The following SOX30 variants were observed in gnomAD, a reference collection of about 807,000 sequenced individuals.
SOX30 encodes transcription factor SOX-30.
Under a neutral mutation model 58.6 loss-of-function variants are expected in SOX30, and 17 were observed. The ratio of observed to expected loss-of-function variants is 0.29; its 90% confidence interval spans 0.20 to 0.44. SOX30 has a LOEUF of 0.44. Ranked by LOEUF, SOX30 falls within the 20% of genes least tolerant of loss-of-function variation. The pLI, the probability that SOX30 is intolerant of heterozygous loss-of-function variation, is 1.00. For synonymous variants in SOX30, 421 were observed against 400.2 expected (o/e 1.05, Z -0.62); for missense variants, 951 against 965.8 (o/e 0.98, Z 0.20).
At chr5:157,663,003 A>G (rs1759603681) in intron 2 of SOX30, among the ~76,000 whole-genome samples, 1 of 152,350 alleles carries the variant, frequency 6.6e-6, no homozygotes, top group East Asian at 1.9e-4. Flanking sequence ...ATGGATTCAC[A>G]GCCGAATTCT....
chr5:157,651,248 T>A lies in SOX30; in HGVS notation c.831A>T (p.Gly277=), dbSNP rs745338061. 6.2e-7 allele frequency: 1 copy of A among 1,614,100 alleles called. No homozygotes were observed. The highest frequency in any genetic ancestry group is 8.5e-7 in the Non-Finnish European group (1 of 1,180,008). ...VPPGARIQFQ[G]APPSELIRLT... ...ATCTTATCAGCTCTGAAGGCGGAGCTCCCTGAAACTGGATCCGGGCCCCAG... is the reference window on the plus strand; with the variant it reads ...ATCTTATCAGCTCTGAAGGCGGAGCACCCTGAAACTGGATCCGGGCCCCAG... Residue 277 remains glycine, a synonymous_variant, in exon 1 of 5, where the codon GGA becomes GGT. Transcript: ENST00000265007.
Position 157,652,219 on chromosome 5 carries a change from G to A in SOX30, c.-141C>T, listed in dbSNP as rs1759375283. ...GTTCAAAACGCAGCTGTCTGTCTGGGCCTCACCCAATCACAACGACCGATA... is the reference window on the plus strand; with the variant it reads ...GTTCAAAACGCAGCTGTCTGTCTGGACCTCACCCAATCACAACGACCGATA... On this transcript the variant is annotated 5_prime_UTR_variant, in exon 1 of 5. Coordinates refer to ENST00000265007, the MANE Select transcript of SOX30 (RefSeq NM_178424.2). 2.3e-6 allele frequency: 3 copies of A among 1,293,892 alleles called. No individual in the cohort carries two copies. Among genetic ancestry groups the A allele is most frequent in the Admixed American group, 4.0e-5 (1 of 24,960 alleles). The allele number at this position is 1,293,892 out of a possible 1,614,324, so 80.2% of individuals were successfully genotyped here. A position where few individuals can be genotyped will look rare whatever the true frequency, so the allele number is the denominator to read the frequency against.
chr5:157,641,776 T>A (rs943914537), intron 3 of SOX30, among the ~76,000 whole-genome samples: 1 of 152,168 alleles, frequency 6.6e-6, no homozygotes, highest in Non-Finnish European at 1.5e-5. Context: ...TGCCCCATAA[T>A]AGGATTTAAG....
chr5:157,669,488 T>TTATG (rs1344558824), intron 1 of SOX30, among the ~76,000 whole-genome samples: 1 of 113,974 alleles, frequency 8.8e-6, no homozygotes, highest in Non-Finnish European at 1.9e-5. Flanking sequence ...CCCATCAATT[T>TTATG]TATTTATTTA....
chr5:157,644,084 G>A (rs1759133901), intron 3 of SOX30, among the ~76,000 whole-genome samples: 1 of 152,158 alleles, frequency 6.6e-6, no homozygotes, highest in Non-Finnish European at 1.5e-5. Flanking sequence ...TACTGTTAAG[G>A]TGTATATCTT....
At position 157,632,142 on chromosome 5, in the gene SOX30, A is replaced by ACC. The variant is rs557905902; in HGVS notation, c.1881-5423_1881-5422dup. Among the ~76,000 whole-genome samples the ACC allele has an allele frequency of 1.3e-4, 20 of 151,254 alleles. No individual in the cohort carries two copies. The South Asian group carries it at 4.0e-3, about 30-fold the overall frequency. ...TATCTGAAGCAAGACCCTTCTGAGTACCCAATGTTCTGTGCCCCATAGAAG... is the reference window on the plus strand; with the variant it reads ...TATCTGAAGCAAGACCCTTCTGAGTACCCCCAATGTTCTGTGCCCCATAGAAG... On this transcript the variant is annotated intron_variant, in intron 4 of 4. Coordinates refer to ENST00000265007, the MANE Select transcript of SOX30 (RefSeq NM_178424.2).
Position 157,647,898 on chromosome 5 carries a change from C to T in SOX30, c.1207+759G>A, listed in dbSNP as rs537259819. Among the ~76,000 whole-genome samples the T allele has an allele frequency of 1.9e-4, 29 of 152,144 alleles. No homozygotes were observed. The South Asian group carries it at 3.7e-3, about 20-fold the overall frequency. The stretch of plus-strand genomic sequence containing the variant: ...TTTGTGCCTAGTTCAAGAAGAGTCA[C>T]TCTCCTAAACTCAGCAATCTCCAAG... On this transcript the variant is annotated intron_variant, in intron 2 of 4. Transcript: ENST00000265007.
At chr5:157,648,479 T>G (rs1242187166) in intron 2 of SOX30, among the ~76,000 whole-genome samples, 178 bp downstream of exon 2, 1 of 152,232 alleles carries the variant, frequency 6.6e-6, no homozygotes, top group African/African-American at 2.4e-5. Flanking sequence ...TTGGTTCTAT[T>G]TAAGGAAACT....
chr5:157,667,490 T>A (rs985239853), intron 2 of SOX30, among the ~76,000 whole-genome samples: 3 of 152,180 alleles, frequency 2.0e-5, no homozygotes, highest in Non-Finnish European at 4.4e-5. Context: ...CCCAGCACTT[T>A]GGGAGGCCAA....
intron 4 of SOX30, among the ~76,000 whole-genome samples, chr5:157,630,973 A>ATTTTTATATATATACTATATATAT (rs1758781334): frequency 3.0e-5 from 4 of 134,030 alleles, no homozygotes; most frequent in Non-Finnish European, 4.7e-5. Context: ...TACACTATAT[A>ATTTTTATATATATACTATATATAT]TTTTTATATA....
chr5:157,650,468 T>C (rs1290643840), intron 1 of SOX30, among the ~76,000 whole-genome samples: 2 of 152,130 alleles, frequency 1.3e-5, no homozygotes, highest in Non-Finnish European at 2.9e-5. Flanking sequence ...AAATACTGAA[T>C]AGAAATAAAA....
chr5:157,667,520 G>A (rs986436744), intron 2 of SOX30, among the ~76,000 whole-genome samples: 20 of 152,108 alleles, frequency 1.3e-4, no homozygotes, highest in African/African-American at 4.1e-4. Context: ...AATCACCTGC[G>A]GTCAGGAATT....
chr5:157,654,451 C>T (rs534068367), upstream of SOX30, among the ~76,000 whole-genome samples: 3 of 152,262 alleles, frequency 2.0e-5, no homozygotes, highest in East Asian at 1.9e-4. Flanking sequence ...AGTCCCCATA[C>T]CACACTTTGA....
intron 2 of SOX30, among the ~76,000 whole-genome samples, chr5:157,662,854 A>G (rs1298225036): frequency 6.6e-6 from 1 of 152,214 alleles, no homozygotes. Flanking sequence ...TAACCCAGAC[A>G]TTCCTTTCTA....
intron 4 of SOX30, among the ~76,000 whole-genome samples, chr5:157,635,560 G>A (rs1176604016): frequency 6.6e-6 from 1 of 151,954 alleles, no homozygotes; most frequent in African/African-American, 2.4e-5. Context: ...GAAGGCAGAG[G>A]TTGCAGTGAG....
intron 4 of SOX30, among the ~76,000 whole-genome samples, chr5:157,630,770 T>C (rs978017669): frequency 7.4e-5 from 11 of 149,094 alleles, no homozygotes; most frequent in Non-Finnish European, 7.4e-5. Context: ...GGTCTTTTTG[T>C]GTATTTTCTG....
In SOX30 at chr5:157,626,502, A is replaced by G. The variant is rs1183765144; in HGVS notation, c.2100T>C (p.His700=). Residue 700 remains histidine (H), a synonymous_variant, in exon 5 of 5, where the codon CAT becomes CAC. Transcript: ENST00000265007. ...TTAAGTTTTCTTCCCCACTGTGGCT[A>G]TGACTGTTATAGTAAGAAGTTCCAT... is the stretch of plus-strand genomic sequence containing the variant. ...NMNGTSYYNS[H]SHSGEENLNP... 1 of 1,614,218 alleles carries G rather than the reference A, an allele frequency of 6.2e-7. No individual in the cohort carries two copies. The highest frequency in any genetic ancestry group is 1.6e-4 in the Middle Eastern group (1 of 6,062).
At chr5:157,636,287 T>C (rs1243541345) in intron 4 of SOX30, among the ~76,000 whole-genome samples, 2 of 152,330 alleles carry the variant, frequency 1.3e-5, no homozygotes, top group East Asian at 1.9e-4. Flanking sequence ...ATTTTTGTTA[T>C]AGGCCTCAAG....
chr5:157,645,203 T>G (rs1179568515), intron 3 of SOX30, among the ~76,000 whole-genome samples: 2 of 151,954 alleles, frequency 1.3e-5, no homozygotes, highest in Non-Finnish European at 2.9e-5. Context: ...GCTAAAATGA[T>G]ACATTAAAAA....
Sources: gnomAD v4.1 joint callset for allele counts (sites outside exome capture counted in the v4.1 genomes callset) on GRCh38, gnomAD v4.1.1 for gene constraint, MANE v1.5 for transcripts, NCBI Gene and HGNC (gene_info 2026-07-23, HGNC 2026-07-21) for gene names.